The following LYPLAL1 variants were observed in gnomAD, a reference collection of about 807,000 sequenced individuals.
The protein encoded by LYPLAL1 is lysophospholipase-like protein 1.
A neutral mutation model predicts 19.7 loss-of-function variants in LYPLAL1; 23 were observed. The observed-to-expected ratio is 1.17, with a 90% confidence interval of 0.84 to 1.65. The LOEUF (loss-of-function observed/expected upper bound fraction) is 1.65. Ranked by LOEUF, LYPLAL1 falls within the 40% of genes most tolerant of loss-of-function variation. The pLI, the probability that LYPLAL1 is intolerant of heterozygous loss-of-function variation, is 0.00. For synonymous variants in LYPLAL1, 119 were observed against 96.3 expected (o/e 1.24, Z -1.38); for missense variants, 355 against 279.4 (o/e 1.27, Z -1.93).
chr1:219,248,133 A>C, the LYPLAL1 span, among the ~76,000 whole-genome samples: 2 of 152,212 alleles, frequency 1.3e-5, no homozygotes, highest in Admixed American at 6.5e-5. Flanking sequence ...ATCACTTAAC[A>C]TATGAAACAT....
At chr1:219,394,532 T>C in the LYPLAL1 span, among the ~76,000 whole-genome samples, 1 of 152,198 alleles carries the variant, frequency 6.6e-6, no homozygotes, top group Non-Finnish European at 1.5e-5. Flanking sequence ...CTACTTTCTG[T>C]CTCTGTGAAT....
At chr1:219,339,485 A>C in the LYPLAL1 span, among the ~76,000 whole-genome samples, 7 of 152,198 alleles carry the variant, frequency 4.6e-5, no homozygotes, top group Admixed American at 2.0e-4. Flanking sequence ...GATTTTTTAA[A>C]AACAAAAAAC....
At chr1:219,271,752 T>A in the LYPLAL1 span, 2 of 152,230 alleles carry the variant, frequency 1.3e-5, no homozygotes, top group Non-Finnish European at 2.9e-5. Context: ...AACTTTTTTT[T>A]AACTTTACAA....
intron 3 of LYPLAL1, chr1:219,200,045 G>T: frequency 4.3e-6 from 1 of 231,240 alleles, no homozygotes; most frequent in South Asian, 7.8e-5. Flanking sequence ...ACCACCTAGT[G>T]AGCAGTTGCT....
At chr1:219,191,261 C>T (rs1314766888) in intron 2 of LYPLAL1, among the ~76,000 whole-genome samples, 2 of 151,356 alleles carry the variant, frequency 1.3e-5, no homozygotes, top group Non-Finnish European at 3.0e-5. Flanking sequence ...GACTCTTTTC[C>T]ATAGGAATAA....
chr1:219,402,566 T>A, the LYPLAL1 span, among the ~76,000 whole-genome samples: 3 of 151,562 alleles, frequency 2.0e-5, no homozygotes, highest in African/African-American at 7.3e-5. Context: ...CTGGTGAGTT[T>A]CTACTAATAT....
At chr1:219,444,213 G>A in the LYPLAL1 span, among the ~76,000 whole-genome samples, 1 of 152,174 alleles carries the variant, frequency 6.6e-6, no homozygotes, top group Non-Finnish European at 1.5e-5. Flanking sequence ...ATTTAAAACT[G>A]CATTTGCATA....
At chr1:219,241,098 A>ATTCTCTCTC in the LYPLAL1 span, among the ~76,000 whole-genome samples, 9 of 59,242 alleles carry the variant, frequency 1.5e-4, no homozygotes, top group African/African-American at 5.9e-4. Flanking sequence ...AATATATATA[A>ATTCTCTCTC]TCTCTCTCTC....
At chr1:219,314,689 C>T in the LYPLAL1 span, among the ~76,000 whole-genome samples, 1 of 152,174 alleles carries the variant, frequency 6.6e-6, no homozygotes, top group East Asian at 1.9e-4. Flanking sequence ...ACCTCGGCCT[C>T]CCAAAGTGCA....
chr1:219,181,593 A>G (rs1656289756), intron 2 of LYPLAL1, among the ~76,000 whole-genome samples: 1 of 152,214 alleles, frequency 6.6e-6, no homozygotes, highest in Non-Finnish European at 1.5e-5. Context: ...TAAAAAGCAT[A>G]AGGCTCAGTT....
the LYPLAL1 span, among the ~76,000 whole-genome samples, chr1:219,415,664 G>A: frequency 2.6e-5 from 4 of 152,164 alleles, no homozygotes; most frequent in Non-Finnish European, 2.9e-5. Context: ...AGTAACTTCC[G>A]GGTCATTGCC....
the LYPLAL1 span, among the ~76,000 whole-genome samples, chr1:219,311,596 A>T: frequency 6.6e-6 from 1 of 150,974 alleles, no homozygotes. Flanking sequence ...CTCTTTTCAC[A>T]ACCTAGCATG....
At chr1:219,277,255 A>G in the LYPLAL1 span, among the ~76,000 whole-genome samples, 5 of 152,134 alleles carry the variant, frequency 3.3e-5, no homozygotes, top group African/African-American at 7.2e-5. Flanking sequence ...TGGTATTTCT[A>G]TTGAGAGCTT....
the LYPLAL1 span, among the ~76,000 whole-genome samples, chr1:219,360,420 G>C: frequency 5.9e-5 from 9 of 152,138 alleles, no homozygotes; most frequent in East Asian, 1.5e-3. Flanking sequence ...ATTGAAATTC[G>C]TACTCGTAGA....
chr1:219,272,474 A>G, the LYPLAL1 span: 1 of 152,378 alleles, frequency 6.6e-6, no homozygotes, highest in South Asian at 2.1e-4. Context: ...TAGTTCATTT[A>G]ACAAAAGAGA....
chr1:219,279,542 C>G, the LYPLAL1 span, among the ~76,000 whole-genome samples: 1 of 152,078 alleles, frequency 6.6e-6, no homozygotes, highest in Admixed American at 6.6e-5. Context: ...GTAGGATTTT[C>G]CTGATGGATA....
the LYPLAL1 span, among the ~76,000 whole-genome samples, chr1:219,430,603 A>G: frequency 6.6e-6 from 1 of 152,208 alleles, no homozygotes; most frequent in Non-Finnish European, 1.5e-5. Context: ...TGGGAGAGAA[A>G]GCCTGGAAAA....
At chr1:219,369,623 C>A in the LYPLAL1 span, among the ~76,000 whole-genome samples, 3 of 152,142 alleles carry the variant, frequency 2.0e-5, no homozygotes, top group African/African-American at 7.2e-5. Flanking sequence ...GAATCAAGGC[C>A]AGTATACAGT....
chr1:219,424,000 A>G, the LYPLAL1 span, among the ~76,000 whole-genome samples: 1 of 149,524 alleles, frequency 6.7e-6, no homozygotes, highest in Non-Finnish European at 1.5e-5. Flanking sequence ...ACTATACACT[A>G]TAGTATATAA....
Sources: gnomAD v4.1 joint callset for allele counts (sites outside exome capture counted in the v4.1 genomes callset) on GRCh38, gnomAD v4.1.1 for gene constraint, MANE v1.5 for transcripts, NCBI Gene and HGNC (gene_info 2026-07-23, HGNC 2026-07-21) for gene names.